The following ROBO1 variants were observed in gnomAD, a reference collection of about 807,000 sequenced individuals.
ROBO1 encodes the protein roundabout homolog 1.
A neutral mutation model predicts 195.9 loss-of-function variants in ROBO1; 149 were observed. The observed-to-expected ratio is 0.76, with a 90% CI of 0.67 to 0.87. The LOEUF (loss-of-function observed/expected upper bound fraction) is 0.87, where lower values mean the gene tolerates loss of function less well. Ranked by LOEUF, ROBO1 falls within the 40% of genes least tolerant of loss-of-function variation. The pLI is 0.00. For missense variants in ROBO1, 1,933 were observed against 2,068.3 expected (o/e 0.93, Z 1.27); for synonymous variants, 816 against 733.2 (o/e 1.11, Z -1.82).
intron 1 of ROBO1, among the ~76,000 whole-genome samples, chr3:79,755,920 C>A (rs1704371165): frequency 6.6e-6 from 1 of 152,226 alleles, no homozygotes; most frequent in African/African-American, 2.4e-5. Flanking sequence ...TTATTGACCA[C>A]TTTGTATCAT....
intron 15 of ROBO1, among the ~76,000 whole-genome samples, 189 bp from the exon 16 acceptor site, chr3:78,661,450 T>G (rs952202211): frequency 2.3e-4 from 35 of 152,162 alleles, no homozygotes; most frequent in African/African-American, 8.0e-4. Flanking sequence ...ATGAGTGTGC[T>G]CATAGAAAAT....
chr3:78,802,191 G>T (rs1222121092), intron 4 of ROBO1, among the ~76,000 whole-genome samples: 1 of 152,138 alleles, frequency 6.6e-6, no homozygotes, highest in Non-Finnish European at 1.5e-5. Context: ...GAATTTAAAA[G>T]ACTTTCTTCA....
chr3:79,614,877 T>A (rs1445762286), intron 1 of ROBO1, among the ~76,000 whole-genome samples: 3 of 152,022 alleles, frequency 2.0e-5, no homozygotes, highest in African/African-American at 7.2e-5. Flanking sequence ...TTCAGTGCAA[T>A]CCCAATTATA....
chr3:79,685,457 G>A (rs1947075204), intron 1 of ROBO1, among the ~76,000 whole-genome samples: 1 of 152,168 alleles, frequency 6.6e-6, no homozygotes, highest in Non-Finnish European at 1.5e-5. Flanking sequence ...TGTTTTGTCA[G>A]CCCATTTGTT....
chr3:79,328,003 G>C (rs1326407879), intron 2 of ROBO1, among the ~76,000 whole-genome samples: 1 of 152,040 alleles, frequency 6.6e-6, no homozygotes, highest in African/African-American at 2.4e-5. Flanking sequence ...CATTTAAATA[G>C]ATATGTAGAA....
chr3:78,633,837 A>T lies in ROBO1; in HGVS notation c.3481+98T>A, dbSNP rs1426486586. ...ACTCAAATTACATACAGTGATTTAG[A>T]CATGTCACCTACATACGTCAGTCCA... On this transcript the variant is annotated intron_variant, in intron 24 of 30. Coordinates refer to ENST00000464233, the MANE Select transcript of ROBO1 (RefSeq NM_002941.4). 5 of 666,316 alleles carry T rather than the reference A, an allele frequency of 7.5e-6. No homozygotes were observed. In the East Asian group the frequency reaches 1.4e-4, roughly 18 times the overall value. The allele number at this position is 666,316 out of a possible 1,614,324, so 41.3% of individuals were successfully genotyped here.
intron 2 of ROBO1, among the ~76,000 whole-genome samples, chr3:79,374,998 T>C (rs1480448770): frequency 1.3e-5 from 2 of 152,216 alleles, no homozygotes; most frequent in Non-Finnish European, 2.9e-5. Flanking sequence ...TCAACGTTTA[T>C]TTATTCAGTG....
At chr3:79,061,934 G>T (rs866393620) in intron 3 of ROBO1, among the ~76,000 whole-genome samples, 2 of 152,086 alleles carry the variant, frequency 1.3e-5, no homozygotes, top group South Asian at 4.1e-4. Flanking sequence ...CAGGACATAG[G>T]CATGGACAAA....
chr3:78,715,899 C>T (rs1576006178), intron 7 of ROBO1, among the ~76,000 whole-genome samples: 1 of 152,270 alleles, frequency 6.6e-6, no homozygotes, highest in Admixed American at 6.5e-5. Context: ...CACCAATGTG[C>T]ATATAATATT....
At chr3:79,025,555 T>C (rs917248614) in intron 3 of ROBO1, among the ~76,000 whole-genome samples, 2 of 152,176 alleles carry the variant, frequency 1.3e-5, no homozygotes, top group East Asian at 3.8e-4. Flanking sequence ...TATATATTTT[T>C]GAAAAATGCT....
At chr3:78,692,716 G>C (rs2081202668) in intron 8 of ROBO1, among the ~76,000 whole-genome samples, 1 of 152,106 alleles carries the variant, frequency 6.6e-6, no homozygotes, top group South Asian at 2.1e-4. Flanking sequence ...CTTCCTCCAA[G>C]GTAAGCACTT....
At chr3:79,409,704 C>T (rs1397079759) in intron 2 of ROBO1, among the ~76,000 whole-genome samples, 1 of 152,114 alleles carries the variant, frequency 6.6e-6, no homozygotes, top group Non-Finnish European at 1.5e-5. Flanking sequence ...GGTTGAAACC[C>T]ATGAGTCTAA....
chr3:78,602,996 A>G (rs1703262830), intron 29 of ROBO1, among the ~76,000 whole-genome samples: 2 of 152,184 alleles, frequency 1.3e-5, no homozygotes, highest in African/African-American at 2.4e-5. Flanking sequence ...ACAACAAGTA[A>G]GTTTGATTTT....
intron 3 of ROBO1, among the ~76,000 whole-genome samples, chr3:78,970,947 C>T (rs1368186840): frequency 6.6e-6 from 1 of 151,210 alleles, no homozygotes; most frequent in African/African-American, 2.4e-5. Context: ...AAAAAAGTCA[C>T]TGTATCCTCA....
chr3:79,342,873 T>C (rs979459920), intron 2 of ROBO1, among the ~76,000 whole-genome samples: 3 of 152,192 alleles, frequency 2.0e-5, no homozygotes, highest in African/African-American at 7.2e-5. Flanking sequence ...CCAGAGTCCA[T>C]AGCTTAGAAT....
chr3:78,975,259 T>C lies in ROBO1; in HGVS notation c.173-36332A>G, dbSNP rs530407163. Among the ~76,000 whole-genome samples the C allele has an allele frequency of 7.9e-5, 12 of 152,304 alleles. No individual in the cohort carries two copies. The East Asian group carries it at 2.3e-3, about 29-fold the overall frequency. ...GCTCTGACAGTAAAAGCCAGTTAAG[T>C]GTACATGCTAATTAGCTCTGAATAT... On this transcript the variant is annotated intron_variant, in intron 3 of 30. Coordinates refer to ENST00000464233, the MANE Select transcript of ROBO1 (RefSeq NM_002941.4).
intron 1 of ROBO1, among the ~76,000 whole-genome samples, chr3:79,726,228 C>T (rs1702919522): frequency 6.6e-6 from 1 of 152,148 alleles, no homozygotes; most frequent in Admixed American, 6.5e-5. Context: ...TAATCCTCTC[C>T]CAGGACACCA....
At chr3:79,010,627 TTATTTATCTATATC>T (rs2108207689) in intron 3 of ROBO1, among the ~76,000 whole-genome samples, 1 of 152,250 alleles carries the variant, frequency 6.6e-6, no homozygotes, top group South Asian at 2.1e-4. Context: ...ACACATATAT[TTATTTATCTATATC>T]TACATATAGA....
chr3:79,661,106 G>A (rs950739077), intron 1 of ROBO1, among the ~76,000 whole-genome samples: 8 of 151,934 alleles, frequency 5.3e-5, no homozygotes, highest in African/African-American at 1.7e-4. Context: ...CTACCCATAC[G>A]CCCCTTCTTT....
Sources: allele counts gnomAD v4.1 joint callset (sites outside exome capture counted in the v4.1 genomes callset), GRCh38; gene constraint gnomAD v4.1.1; transcripts MANE v1.5; gene names NCBI Gene and HGNC (gene_info 2026-07-23, HGNC 2026-07-21).